SPAG16: variants seen among roughly 807,000 people sequenced by gnomAD.
SPAG16 encodes the protein sperm-associated antigen 16 protein.
SPAG16 carries 86 observed loss-of-function variants against 80.4 expected under a neutral mutation model. The ratio of observed to expected loss-of-function variants is 1.07; its 90% CI spans 0.90 to 1.28. The LOEUF (loss-of-function observed/expected upper bound fraction) is 1.28, where lower values mean the gene tolerates loss of function less well. Among genes scored for constraint, SPAG16 ranks in the 50% most tolerant of loss-of-function variants. SPAG16 has a pLI of 0.00. For missense variants in SPAG16, 870 were observed against 765.3 expected (o/e 1.14, Z -1.61); for synonymous variants, 294 against 265.9 (o/e 1.11, Z -1.03).
At chr2:214,147,345 T>C (rs918641608) in intron 14 of SPAG16, among the ~76,000 whole-genome samples, 2 of 152,162 alleles carry the variant, frequency 1.3e-5, no homozygotes, top group Non-Finnish European at 2.9e-5. Flanking sequence ...TTAAGTATAC[T>C]TCCTCAAATT....
At chr2:213,531,807 T>C (rs1231887650) in intron 10 of SPAG16, among the ~76,000 whole-genome samples, 1 of 152,204 alleles carries the variant, frequency 6.6e-6, no homozygotes, top group African/African-American at 2.4e-5. Context: ...ATTCCATTTT[T>C]TTCCTACACA....
chr2:213,514,755 A>T (rs2075359898), intron 10 of SPAG16, among the ~76,000 whole-genome samples: 1 of 151,956 alleles, frequency 6.6e-6, no homozygotes, highest in Non-Finnish European at 1.5e-5. Flanking sequence ...TATAATTTTA[A>T]CACTGAAATT....
intron 10 of SPAG16, among the ~76,000 whole-genome samples, chr2:213,501,417 G>T (rs190650400): frequency 6.6e-6 from 1 of 152,194 alleles, no homozygotes; most frequent in African/African-American, 2.4e-5. Flanking sequence ...TATGCTTAAG[G>T]AAACTGAAAT....
chr2:213,967,510 G>A (rs2044766786), intron 12 of SPAG16, among the ~76,000 whole-genome samples: 1 of 151,856 alleles, frequency 6.6e-6, no homozygotes, highest in South Asian at 2.1e-4. Flanking sequence ...CAGCTAATTG[G>A]AGAAAAAAGG....
In SPAG16 at chr2:214,088,894, G is replaced by T. The variant is rs2051968160; in HGVS notation, c.1528-19302G>T. On this transcript the variant is annotated intron_variant, in intron 13 of 15. Transcript: ENST00000331683. ...AGTATAACAATGATACTAAAATATG[G>T]GAAAGAAAATGAAAGAAGTAAAAAT... Among the ~76,000 whole-genome samples, 4 of 151,884 alleles carry T rather than the reference G, an allele frequency of 2.6e-5. No homozygotes were observed. The South Asian group carries it at 8.3e-4, about 32-fold the overall frequency.
chr2:213,898,942 G>A (rs2077103139), intron 11 of SPAG16, among the ~76,000 whole-genome samples: 1 of 152,086 alleles, frequency 6.6e-6, no homozygotes, highest in Non-Finnish European at 1.5e-5. Flanking sequence ...AACATGAGAG[G>A]TAATTAGTCA....
chr2:213,958,880 T>C (rs2044278735), intron 12 of SPAG16, among the ~76,000 whole-genome samples: 1 of 152,214 alleles, frequency 6.6e-6, no homozygotes, highest in African/African-American at 2.4e-5. Flanking sequence ...TTTGAGTGAC[T>C]GTCCAGCATC....
intron 6 of SPAG16, among the ~76,000 whole-genome samples, chr2:213,349,192 C>T (rs186360524): frequency 1.3e-4 from 20 of 152,114 alleles, no homozygotes; most frequent in South Asian, 6.2e-4. Context: ...GCAGCCAATG[C>T]GGCTTAAATT....
chr2:214,233,094 A>T (rs1463850378), intron 15 of SPAG16, among the ~76,000 whole-genome samples: 3 of 152,058 alleles, frequency 2.0e-5, no homozygotes, highest in Non-Finnish European at 2.9e-5. Flanking sequence ...ATTTAGAAGT[A>T]CATACTATAA....
At chr2:213,656,092 T>C (rs185947553) in intron 10 of SPAG16, among the ~76,000 whole-genome samples, 19 of 152,368 alleles carry the variant, frequency 1.2e-4, no homozygotes, top group Non-Finnish European at 2.9e-5. Context: ...TTTTCTTCTC[T>C]GCCCGAATAT....
At chr2:213,304,655 T>G (rs1188406795) in intron 3 of SPAG16, among the ~76,000 whole-genome samples, 1 of 152,154 alleles carries the variant, frequency 6.6e-6, no homozygotes, top group African/African-American at 2.4e-5. Context: ...TAATGTATGT[T>G]CTTGATACCT....
chr2:213,432,479 A>G (rs996604127), intron 9 of SPAG16, among the ~76,000 whole-genome samples: 2 of 152,156 alleles, frequency 1.3e-5, no homozygotes, highest in African/African-American at 4.8e-5. Context: ...TTCATGAATT[A>G]GAAAATCTAG....
At chr2:213,431,333 A>C (rs1333757620) in intron 9 of SPAG16, among the ~76,000 whole-genome samples, 2 of 152,108 alleles carry the variant, frequency 1.3e-5, no homozygotes, top group African/African-American at 2.4e-5. Flanking sequence ...TAAATTCTCC[A>C]CTTAAAAGAT....
chr2:213,872,541 AT>A (rs2075993296), intron 11 of SPAG16, among the ~76,000 whole-genome samples: 1 of 152,088 alleles, frequency 6.6e-6, no homozygotes. Context: ...AAGAGAGATC[AT>A]TTTACTTTTT....
intron 10 of SPAG16, among the ~76,000 whole-genome samples, chr2:213,797,051 T>TAA: frequency 6.7e-6 from 1 of 149,196 alleles, no homozygotes; most frequent in East Asian, 2.0e-4. Flanking sequence ...AAATTAAAAT[T>TAA]AAAAAAAAAA....
intron 10 of SPAG16, among the ~76,000 whole-genome samples, chr2:213,658,291 A>G (rs902129886): frequency 3.9e-5 from 6 of 151,986 alleles, no homozygotes; most frequent in Admixed American, 2.0e-4. Flanking sequence ...TCTCCTCAGC[A>G]ATCCTCCCCT....
At chr2:213,935,166 C>T (rs1022962575) in intron 12 of SPAG16, among the ~76,000 whole-genome samples, 1 of 142,638 alleles carries the variant, frequency 7.0e-6, no homozygotes. Flanking sequence ...AGCGCCACTG[C>T]ACTCCAGCCT....
At chr2:214,339,000 T>C (rs918487853) in intron 15 of SPAG16, among the ~76,000 whole-genome samples, 4 of 152,240 alleles carry the variant, frequency 2.6e-5, no homozygotes, top group African/African-American at 9.6e-5. Flanking sequence ...ATGATATTTC[T>C]GCCAACAGAA....
At position 214,152,573 on chromosome 2, in the gene SPAG16, C is replaced by T. The variant is rs144221465; in HGVS notation, c.1720+3307C>T. On this transcript the variant is annotated intron_variant, in intron 15 of 15. Coordinates refer to ENST00000331683, the MANE Select transcript of SPAG16 (RefSeq NM_024532.5). ...AGGTCGGTGGGTCTCTCCCTGTGTG[C>T]GGCGACGAGAGAGTGTAGAAATAAA... 8.2e-3 allele frequency among the ~76,000 whole-genome samples: 1,243 copies of T among 152,082 alleles called. 21 individuals are homozygous for T. The highest frequency in any genetic ancestry group is 0.028 in the African/African-American group (1,148 of 41,486).
Sources: allele counts gnomAD v4.1 joint callset (sites outside exome capture counted in the v4.1 genomes callset), GRCh38; gene constraint gnomAD v4.1.1; transcripts MANE v1.5; gene names NCBI Gene and HGNC (gene_info 2026-07-23, HGNC 2026-07-21).